GSK3B: variants seen among roughly 807,000 people sequenced by gnomAD.
The protein encoded by GSK3B is glycogen synthase kinase-3 beta.
A neutral mutation model predicts 56.4 loss-of-function variants in GSK3B; 15 were observed. That is an observed-to-expected ratio of 0.27 (90% CI 0.18 to 0.41). The LOEUF is 0.41. Among genes scored for constraint, GSK3B ranks in the 10% least tolerant of loss-of-function variants. The probability of loss-of-function intolerance (pLI) is 1.00; values close to 1 mark genes in which losing one functional copy is unlikely to be tolerated. For synonymous variants in GSK3B, 181 were observed against 188.9 expected (o/e 0.96, Z 0.34); for missense variants, 300 against 513.4 (o/e 0.58, Z 4.02).
intron 9 of GSK3B, among the ~76,000 whole-genome samples, chr3:119,853,318 T>C (rs1240142591): frequency 6.6e-6 from 1 of 152,212 alleles, no homozygotes; most frequent in East Asian, 1.9e-4. Context: ...CTGTTTTGGT[T>C]ACTGTAGCCT....
intron 1 of GSK3B, among the ~76,000 whole-genome samples, chr3:120,013,706 C>A (rs1034873880): frequency 6.6e-6 from 1 of 152,064 alleles, no homozygotes; most frequent in Non-Finnish European, 1.5e-5. Context: ...AAAGGCACTG[C>A]CAATTATTTC....
chr3:119,867,481 C>A (rs936994518), intron 8 of GSK3B, among the ~76,000 whole-genome samples: 3 of 152,174 alleles, frequency 2.0e-5, no homozygotes, highest in Non-Finnish European at 4.4e-5. Context: ...ATAAATCCTA[C>A]ATCTTCCAGC....
intron 1 of GSK3B, among the ~76,000 whole-genome samples, chr3:120,053,749 G>A (rs2058170427): frequency 6.6e-6 from 1 of 152,162 alleles, no homozygotes; most frequent in African/African-American, 2.4e-5. Flanking sequence ...CTGTTCTTAT[G>A]ATAGTGAATA....
intron 8 of GSK3B, 57 bp from the exon 9 acceptor site, chr3:119,863,662 A>AAT (rs2056139324): frequency 9.3e-7 from 1 of 1,072,894 alleles, no homozygotes; most frequent in East Asian, 2.5e-5. Flanking sequence ...AATCTAAGCA[A>AAT]ATACCCTGTG....
chr3:119,950,941 C>G (rs577076742), intron 2 of GSK3B, among the ~76,000 whole-genome samples: 1 of 152,142 alleles, frequency 6.6e-6, no homozygotes, highest in South Asian at 2.1e-4. Context: ...GGATAGAGAG[C>G]AAAAACCCAT....
At chr3:119,904,785 G>A (rs1397328518) in intron 7 of GSK3B, among the ~76,000 whole-genome samples, 1 of 151,968 alleles carries the variant, frequency 6.6e-6, no homozygotes, top group Admixed American at 6.6e-5. Flanking sequence ...TAACTAAAAG[G>A]TTATTTTATT....
chr3:119,984,761 C>CA (rs1203384681), intron 2 of GSK3B, among the ~76,000 whole-genome samples: 7 of 150,046 alleles, frequency 4.7e-5, no homozygotes, highest in Admixed American at 4.7e-4. Context: ...ACCAGAGGTA[C>CA]AAAGAGGAGC....
At chr3:119,945,116 G>C (rs1193968197) in intron 3 of GSK3B, among the ~76,000 whole-genome samples, 3 of 152,154 alleles carry the variant, frequency 2.0e-5, no homozygotes, top group Non-Finnish European at 2.9e-5. Flanking sequence ...GGGGCAAAAA[G>C]AAATTCTCTC....
At chr3:119,875,593 G>C (rs1452557693) in intron 8 of GSK3B, among the ~76,000 whole-genome samples, 2 of 151,562 alleles carry the variant, frequency 1.3e-5, no homozygotes, top group Non-Finnish European at 2.9e-5. Flanking sequence ...GTAATCTTGG[G>C]TAAGTCACTT....
intron 1 of GSK3B, among the ~76,000 whole-genome samples, chr3:120,033,788 G>GCT (rs371531394): frequency 1.2e-4 from 18 of 150,750 alleles, no homozygotes; most frequent in South Asian, 6.3e-4. Flanking sequence ...TTGCTCGCTC[G>GCT]CTCTCTCTCT....
intron 2 of GSK3B, among the ~76,000 whole-genome samples, chr3:119,980,374 C>T (rs1050564639): frequency 6.6e-6 from 1 of 151,706 alleles, no homozygotes; most frequent in Non-Finnish European, 1.5e-5. Context: ...TTTTTTAAGA[C>T]AGAGTTTCGC....
chr3:119,921,388 T>C (rs868234539), intron 4 of GSK3B, among the ~76,000 whole-genome samples: 3 of 152,180 alleles, frequency 2.0e-5, no homozygotes, highest in Admixed American at 6.5e-5. Context: ...TAGGCAGTGA[T>C]CATCAATGGC....
At chr3:120,069,154 C>G (rs898760948) in intron 1 of GSK3B, among the ~76,000 whole-genome samples, 1 of 152,164 alleles carries the variant, frequency 6.6e-6, no homozygotes, top group African/African-American at 2.4e-5. Context: ...AATGTCCTGA[C>G]AGGGACGAAG....
At chr3:119,940,296 C>G (rs566213818) in intron 3 of GSK3B, among the ~76,000 whole-genome samples, 56 of 152,022 alleles carry the variant, frequency 3.7e-4, no homozygotes, top group Non-Finnish European at 6.5e-4. Context: ...GACACATGAA[C>G]AGCAGAGTCA....
intron 2 of GSK3B, 107 bp downstream of exon 2, chr3:120,001,939 C>A (rs1322718235): frequency 9.0e-6 from 6 of 665,242 alleles, no homozygotes; most frequent in Middle Eastern, 4.2e-4. Flanking sequence ...AACAAAAATG[C>A]GCACAATAGA....
chr3:120,060,083 A>C lies in GSK3B; in HGVS notation c.88+33264T>G, dbSNP rs966757925. On this transcript the variant is annotated intron_variant, in intron 1 of 10. Coordinates refer to ENST00000264235, the MANE Select transcript of GSK3B (RefSeq NM_001146156.2). ...CCCTGAACTCTGGGAATACACAATGAACCACACAAAAACAAAACTCCTTGC... is the reference window on the plus strand; with the variant it reads ...CCCTGAACTCTGGGAATACACAATGCACCACACAAAAACAAAACTCCTTGC... Among the ~76,000 whole-genome samples, 3 of 152,254 alleles carry C rather than the reference A, an allele frequency of 2.0e-5. No individual in the cohort carries two copies. The South Asian group carries it at 6.2e-4, about 32-fold the overall frequency.
chr3:119,974,073 T>TA (rs533376397), intron 2 of GSK3B, among the ~76,000 whole-genome samples: 219 of 152,104 alleles, frequency 1.4e-3, no homozygotes, highest in African/African-American at 4.2e-3. Flanking sequence ...AAATACAACA[T>TA]AAAAAACACA....
chr3:119,998,185 A>G (rs1430799369), intron 2 of GSK3B, among the ~76,000 whole-genome samples: 2 of 152,322 alleles, frequency 1.3e-5, no homozygotes, highest in East Asian at 3.9e-4. Context: ...CCTAAATGAT[A>G]CCTGCCTCCT....
chr3:119,968,729 T>G (rs1576236772), intron 2 of GSK3B, among the ~76,000 whole-genome samples: 1 of 152,294 alleles, frequency 6.6e-6, no homozygotes, highest in South Asian at 2.1e-4. Flanking sequence ...GGGATGTGAA[T>G]AGCAAGTATA....
Sources: allele counts gnomAD v4.1 joint callset (sites outside exome capture counted in the v4.1 genomes callset), GRCh38; gene constraint gnomAD v4.1.1; transcripts MANE v1.5; gene names NCBI Gene and HGNC (gene_info 2026-07-23, HGNC 2026-07-21).